Variants in PCDHA6 observed in about 807,000 individuals in gnomAD.
PCDHA6 encodes protocadherin alpha 6.
Under a neutral mutation model 60.3 loss-of-function variants are expected in PCDHA6, and 55 were observed. That is an observed-to-expected ratio of 0.91 (90% CI 0.73 to 1.14). The LOEUF (loss-of-function observed/expected upper bound fraction) is 1.14, where lower values mean the gene tolerates loss of function less well. Ranked by LOEUF, PCDHA6 falls within the 50% of genes most tolerant of loss-of-function variation. The pLI, the probability that PCDHA6 is intolerant of heterozygous loss-of-function variation, is 0.00. For missense variants in PCDHA6, 1,327 were observed against 1,256.5 expected (o/e 1.06, Z -0.85); for synonymous variants, 652 against 557.9 (o/e 1.17, Z -2.38).
chr5:140,980,834 C>A (rs1424222678), intron 2 of PCDHA6, among the ~76,000 whole-genome samples: 1 of 151,974 alleles, frequency 6.6e-6, no homozygotes, highest in Non-Finnish European at 1.5e-5. Context: ...AGTTGTGAAC[C>A]TAAATAATAC....
intron 1 of PCDHA6, among the ~76,000 whole-genome samples, chr5:140,913,572 TCAAA>T (rs150264547): frequency 6.6e-6 from 1 of 152,264 alleles, no homozygotes; most frequent in East Asian, 1.9e-4. Context: ...TTTCATCATT[TCAAA>T]TATATTTCTG....
At chr5:140,836,782 A>G in intron 1 of PCDHA6, 2 of 1,475,536 alleles carry the variant, frequency 1.4e-6, no homozygotes, top group South Asian at 1.3e-5. Flanking sequence ...TAAAACAATT[A>G]GTTCAATTGG....
In PCDHA6 at chr5:140,927,773, A is replaced by G. The variant is rs143568645; in HGVS notation, c.2395-51176A>G. ...GTGCACCCTAAAAGTGGGGAGGTGC[A>G]AGTAGCTGCTTCACTAGGTCCGCCT... is the stretch of plus-strand genomic sequence containing the variant. On this transcript the variant is annotated intron_variant, in intron 1 of 3. Coordinates refer to ENST00000529310, the MANE Select transcript of PCDHA6 (RefSeq NM_018909.4). 201 of 1,614,196 alleles carry G rather than the reference A, an allele frequency of 1.2e-4. 4 individuals carry two copies. In the Middle Eastern group the frequency reaches 2.1e-3, roughly 17 times the overall value.
chr5:140,895,070 C>G (rs2064827781), intron 1 of PCDHA6, among the ~76,000 whole-genome samples: 1 of 152,106 alleles, frequency 6.6e-6, no homozygotes, highest in African/African-American at 2.4e-5. Context: ...GACTCAATTC[C>G]TATCAGTTCC....
intron 1 of PCDHA6, chr5:140,866,026 C>T (rs1273078600): frequency 7.9e-5 from 12 of 151,914 alleles, no homozygotes; most frequent in Admixed American, 4.6e-4. Context: ...TGTAAGAGTT[C>T]GTGATCATCA....
intron 1 of PCDHA6, among the ~76,000 whole-genome samples, chr5:140,941,214 C>CCTTTCTTTCTTCCTTT (rs2092876516): frequency 8.2e-6 from 1 of 122,414 alleles, no homozygotes; most frequent in Non-Finnish European, 1.7e-5. Context: ...TTTCTTTCTT[C>CCTTTCTTTCTTCCTTT]CTTTCTTTCT....
chr5:140,931,578 C>T (rs2087609680), intron 1 of PCDHA6, among the ~76,000 whole-genome samples: 1 of 152,008 alleles, frequency 6.6e-6, no homozygotes, highest in South Asian at 2.1e-4. Flanking sequence ...CCCATTCATT[C>T]AGTTGAACAG....
At chr5:141,003,181 C>T (rs564008062) in intron 3 of PCDHA6, among the ~76,000 whole-genome samples, 8 of 152,328 alleles carry the variant, frequency 5.3e-5, no homozygotes, top group African/African-American at 1.7e-4. Flanking sequence ...AGGCTCAACT[C>T]CATCAACTCA....
At chr5:140,959,751 T>C (rs553950058) in intron 1 of PCDHA6, among the ~76,000 whole-genome samples, 12 of 152,210 alleles carry the variant, frequency 7.9e-5, no homozygotes, top group Non-Finnish European at 1.8e-4. Flanking sequence ...CCTTAAAGTA[T>C]ATTTTAATAT....
At chr5:140,954,526 G>A (rs2095049912) in intron 1 of PCDHA6, among the ~76,000 whole-genome samples, 1 of 152,184 alleles carries the variant, frequency 6.6e-6, no homozygotes, top group Admixed American at 6.5e-5. Flanking sequence ...GATCAGTGAT[G>A]TTGAGGTTTT....
intron 1 of PCDHA6, among the ~76,000 whole-genome samples, chr5:140,881,754 A>G (rs1554172477): frequency 6.6e-6 from 1 of 152,212 alleles, no homozygotes; most frequent in African/African-American, 2.4e-5. Context: ...CAGTACCACA[A>G]AAACCTACAT....
intron 1 of PCDHA6, among the ~76,000 whole-genome samples, chr5:140,840,582 C>T (rs1776775651): frequency 6.6e-6 from 1 of 151,916 alleles, no homozygotes; most frequent in African/African-American, 2.4e-5. Flanking sequence ...TCAGAGAAAT[C>T]ATAAAGGAAA....
At chr5:140,877,813 GAA>G in intron 1 of PCDHA6, 1 of 1,610,266 alleles carries the variant, frequency 6.2e-7, no homozygotes, top group Non-Finnish European at 8.5e-7. Flanking sequence ...GCTGTCTCGA[GAA>G]GATTGTTTAA....
rs146522449 is a variant in PCDHA6, at chr5:140,877,816, G to A, written c.2394+47331G>A. ...CCCAAGCCTTCAGCTGTCTCGAGAA[G>A]ATTGTTTAAATCCTCCCAGTGAAGT... On this transcript the variant is annotated intron_variant, in intron 1 of 3. Coordinates refer to ENST00000529310, the MANE Select transcript of PCDHA6 (RefSeq NM_018909.4). The A allele has an allele frequency of 2.8e-3, 4,449 of 1,609,310 alleles. 21 individuals carry two copies. Among genetic ancestry groups the A allele is most frequent in the African/African-American group, 0.01 (772 of 74,842 alleles).
chr5:141,010,315 T>G lies in PCDHA6; in HGVS notation c.*378T>G. ...AGGGCAGGCTGAAAAGTTTTGAGAT[T>G]GAGCAGCTTGGGAGTTTGTGGCCAC... On this transcript the variant is annotated 3_prime_UTR_variant, in exon 4 of 4. Transcript: ENST00000529310. 2.6e-6 allele frequency: 4 copies of G among 1,546,626 alleles called. No homozygotes were observed. Among genetic ancestry groups the G allele is most frequent in the Non-Finnish European group, 3.5e-6 (4 of 1,145,530 alleles).
chr5:140,952,821 A>G (rs269545), intron 1 of PCDHA6, among the ~76,000 whole-genome samples: 31,238 of 152,098 alleles, frequency 0.21, 3,965 homozygotes, highest in African/African-American at 0.36. Context: ...CTGTACAGGA[A>G]GCATGATGCT....
intron 1 of PCDHA6, among the ~76,000 whole-genome samples, chr5:140,901,174 G>C (rs782712619): frequency 1.3e-5 from 2 of 152,050 alleles, no homozygotes; most frequent in Non-Finnish European, 2.9e-5. Flanking sequence ...TCTTCACTTT[G>C]TTGATTGTTT....
intron 1 of PCDHA6, chr5:140,969,505 A>G (rs973647679): frequency 1.4e-6 from 2 of 1,428,552 alleles, no homozygotes; most frequent in South Asian, 3.0e-5. Context: ...CTAGAAAAAT[A>G]GCACTAAAGA....
Position 140,849,718 on chromosome 5 carries a change from T to C in PCDHA6, c.2394+19233T>C, listed in dbSNP as rs2150446533. The C allele has an allele frequency of 2.5e-6, 4 of 1,598,570 alleles. 1 individual carries two copies. Among genetic ancestry groups the C allele is most frequent in the Non-Finnish European group, 3.4e-6 (4 of 1,168,006 alleles). On this transcript the variant is annotated intron_variant, in intron 1 of 3. Coordinates refer to ENST00000529310, the MANE Select transcript of PCDHA6 (RefSeq NM_018909.4). Reference sequence around the variant, plus strand: ...ACCTACAAGAATTACTACTCGTTGGTGCTGGACAGAGCTCTGGACCGCGAG... The same window carrying C: ...ACCTACAAGAATTACTACTCGTTGGCGCTGGACAGAGCTCTGGACCGCGAG...
Sources: allele counts gnomAD v4.1 joint callset (sites outside exome capture counted in the v4.1 genomes callset), GRCh38; gene constraint gnomAD v4.1.1; transcripts MANE v1.5; gene names NCBI Gene and HGNC (gene_info 2026-07-23, HGNC 2026-07-21).